CDH20: variants seen among roughly 807,000 people sequenced by gnomAD.
CDH20 encodes the protein cadherin 20, also known as cadherin-20.
A neutral mutation model predicts 74.2 loss-of-function variants in CDH20; 29 were observed. The ratio of observed to expected loss-of-function variants is 0.39; its 90% CI spans 0.29 to 0.53. The LOEUF (loss-of-function observed/expected upper bound fraction) is 0.53, where lower values mean the gene tolerates loss of function less well. Ranked by LOEUF, CDH20 falls within the 20% of genes least tolerant of loss-of-function variation. The pLI is 0.69. For missense variants in CDH20, 988 were observed against 1,048.3 expected, an observed-to-expected ratio of 0.94 and a Z score of 0.79; for synonymous variants, 469 against 405.4, an observed-to-expected ratio of 1.16 and a Z score of -1.88.
At chr18:61,419,631 A>G (rs941769918) in intron 1 of CDH20, among the ~76,000 whole-genome samples, 108 of 152,206 alleles carry the variant, frequency 7.1e-4, no homozygotes, top group African/African-American at 2.3e-3. Context: ...TTTTGAAGTC[A>G]TATGCAATAT....
At chr18:61,396,442 C>G (rs1055341176) in intron 1 of CDH20, among the ~76,000 whole-genome samples, 10 of 152,060 alleles carry the variant, frequency 6.6e-5, no homozygotes, top group African/African-American at 2.4e-4. Flanking sequence ...GCTCAGAGGG[C>G]TTAAAACATT....
chr18:61,490,597 G>A lies in CDH20; in HGVS notation c.44G>A (p.Gly15Glu). 6.2e-7 allele frequency: 1 copy of A among 1,614,106 alleles called. No individual in the cohort carries two copies. The highest frequency in any genetic ancestry group is 2.2e-5 in the East Asian group (1 of 44,882). ...GRMSNAKNWL[G>E]LGMSLYFWGL... ...ATGAGCAATGCAAAGAACTGGCTTGGACTTGGCATGTCCTTGTACTTCTGG... is the reference window on the plus strand; with the variant it reads ...ATGAGCAATGCAAAGAACTGGCTTGAACTTGGCATGTCCTTGTACTTCTGG... The change falls in exon 2 of 12, where the codon GGA becomes GAA. Residue 15 changes from glycine to glutamate, a missense_variant. Gly to Glu is a moderately conservative substitution (Grantham distance 98). Transcript: ENST00000262717.
At chr18:61,346,868 C>T (rs964968751) in intron 1 of CDH20, among the ~76,000 whole-genome samples, 2 of 152,042 alleles carry the variant, frequency 1.3e-5, no homozygotes, top group African/African-American at 4.8e-5. Flanking sequence ...TCCAGGCGCC[C>T]AAGCTTGGAA....
intron 1 of CDH20, among the ~76,000 whole-genome samples, chr18:61,391,882 CTCAATATTT>C (rs1484620768): frequency 6.6e-6 from 1 of 152,036 alleles, no homozygotes; most frequent in Non-Finnish European, 1.5e-5. Flanking sequence ...ACTATTCTAC[CTCAATATTT>C]CTTGACCCAA....
intron 1 of CDH20, among the ~76,000 whole-genome samples, chr18:61,457,711 TA>T (rs980819696): frequency 6.6e-6 from 1 of 152,142 alleles, no homozygotes; most frequent in Admixed American, 6.6e-5. Context: ...TCATTGGTGT[TA>T]TTTTTTTTAA....
intron 9 of CDH20, among the ~76,000 whole-genome samples, chr18:61,540,468 G>A (rs948626538): frequency 1.3e-5 from 2 of 152,146 alleles, no homozygotes; most frequent in African/African-American, 4.8e-5. Context: ...AATCACGGTG[G>A]AAGGCGAAAG....
chr18:61,362,296 C>A (rs977837265), intron 1 of CDH20, among the ~76,000 whole-genome samples: 1 of 152,098 alleles, frequency 6.6e-6, no homozygotes, highest in Non-Finnish European at 1.5e-5. Context: ...CCCTTTTCTG[C>A]ATTATACATA....
At chr18:61,477,329 T>A (rs916913232) in intron 1 of CDH20, among the ~76,000 whole-genome samples, 5 of 152,224 alleles carry the variant, frequency 3.3e-5, no homozygotes, top group Non-Finnish European at 5.9e-5. Context: ...GATCTGTAGA[T>A]AATGGATACT....
At chr18:61,525,888 A>C (rs901995627) in intron 6 of CDH20, among the ~76,000 whole-genome samples, 2 of 151,398 alleles carry the variant, frequency 1.3e-5, no homozygotes, top group African/African-American at 2.4e-5. Flanking sequence ...CTCACTCTAA[A>C]CTGAGCTCAA....
At chr18:61,541,960 C>G (rs1913057685) in intron 9 of CDH20, among the ~76,000 whole-genome samples, 1 of 152,018 alleles carries the variant, frequency 6.6e-6, no homozygotes, top group Non-Finnish European at 1.5e-5. Context: ...CGCTCCCAAC[C>G]CAGACTTAGC....
intron 1 of CDH20, among the ~76,000 whole-genome samples, chr18:61,465,980 A>T (rs1909947547): frequency 6.6e-6 from 1 of 152,024 alleles, no homozygotes; most frequent in Admixed American, 6.6e-5. Flanking sequence ...GGATGACTTG[A>T]GCCCAGGTGG....
At chr18:61,507,606 T>C (rs771723552) in intron 6 of CDH20, 46 bp downstream of exon 6, 1 of 1,422,916 alleles carries the variant, frequency 7.0e-7, no homozygotes, top group Non-Finnish European at 9.7e-7. Context: ...GTGCTTTGAA[T>C]GTTTATGAAA....
At chr18:61,430,502 T>G (rs1326316300) in intron 1 of CDH20, among the ~76,000 whole-genome samples, 4 of 152,214 alleles carry the variant, frequency 2.6e-5, no homozygotes, top group Admixed American at 6.5e-5. Flanking sequence ...CTGTACTCTT[T>G]GGAAGGAAGT....
At chr18:61,411,161 G>C (rs1236324193) in intron 1 of CDH20, among the ~76,000 whole-genome samples, 1 of 150,500 alleles carries the variant, frequency 6.6e-6, no homozygotes, top group Non-Finnish European at 1.5e-5. Context: ...ATACGCCACT[G>C]CACTCCCGCC....
intron 1 of CDH20, among the ~76,000 whole-genome samples, chr18:61,349,630 T>C (rs972519973): frequency 6.6e-6 from 1 of 151,922 alleles, no homozygotes; most frequent in Non-Finnish European, 1.5e-5. Context: ...CACCTAGGAG[T>C]TCTGCAATGA....
chr18:61,453,388 C>T (rs2144342756), intron 1 of CDH20, among the ~76,000 whole-genome samples: 1 of 152,292 alleles, frequency 6.6e-6, no homozygotes. Flanking sequence ...AGTGATTCCC[C>T]TGCCTCAGCC....
At chr18:61,460,954 T>C (rs1015435780) in intron 1 of CDH20, among the ~76,000 whole-genome samples, 3 of 152,198 alleles carry the variant, frequency 2.0e-5, no homozygotes, top group African/African-American at 7.2e-5. Flanking sequence ...TTATTTAGAA[T>C]ATCTCAGGTA....
intron 1 of CDH20, among the ~76,000 whole-genome samples, chr18:61,460,409 CAA>C (rs2144356914): frequency 6.6e-6 from 1 of 152,128 alleles, no homozygotes; most frequent in African/African-American, 2.4e-5. Context: ...AGGCAAATGA[CAA>C]AAAAGTAAGA....
Position 61,554,656 on chromosome 18 carries a change from G to C in CDH20, c.2367G>C (p.Glu789Asp). ...GGCCCCGCTTCCGGAAGCTGGCCGA[G>C]CTCTACGGGGCGTCGGAGGGACCCG... ...DWGPRFRKLA[E>D]LYGASEGPAP... is the part of the protein sequence containing the mutation. Residue 789 changes from glutamate (E) to aspartate (D), a missense_variant, in exon 12 of 12, where the codon GAG (glutamate) becomes GAC (aspartate). Glu to Asp is a conservative substitution (Grantham distance 45). Transcript: ENST00000262717. 1 of 1,593,032 alleles carries C rather than the reference G, an allele frequency of 6.3e-7. No individual in the cohort carries two copies.
Sources: allele counts gnomAD v4.1 joint callset (sites outside exome capture counted in the v4.1 genomes callset), GRCh38; gene constraint gnomAD v4.1.1; transcripts MANE v1.5; gene names NCBI Gene and HGNC (gene_info 2026-07-23, HGNC 2026-07-21).